MCPH1: variants seen among roughly 807,000 people sequenced by gnomAD.
MCPH1 encodes microcephalin 1.
A neutral mutation model predicts 84.5 loss-of-function variants in MCPH1; 104 were observed. That is an observed-to-expected ratio of 1.23 (90% CI 1.05 to 1.45). MCPH1 has a LOEUF of 1.45. Among genes scored for constraint, MCPH1 ranks in the 40% most tolerant of loss-of-function variants. MCPH1 has a pLI of 0.00. For synonymous variants in MCPH1, 514 were observed against 366.8 expected, an observed-to-expected ratio of 1.40 and a Z score of -4.58; for missense variants, 1,498 against 1,005.7, an observed-to-expected ratio of 1.49 and a Z score of -6.62.
chr8:6,413,959 T>A (rs189445499), intron 2 of MCPH1, among the ~76,000 whole-genome samples: 451 of 152,272 alleles, frequency 3.0e-3, no homozygotes, highest in African/African-American at 0.01. Context: ...TTTTCCATGT[T>A]GGCCAGGCTA....
chr8:6,608,257 AG>A (rs1563182237), intron 12 of MCPH1, among the ~76,000 whole-genome samples: 1 of 152,046 alleles, frequency 6.6e-6, no homozygotes, highest in East Asian at 1.9e-4. Flanking sequence ...GGCTGGTGGC[AG>A]GGGGGCTGAG....
intron 8 of MCPH1, among the ~76,000 whole-genome samples, chr8:6,448,112 G>T (rs897198097): frequency 6.6e-6 from 1 of 152,130 alleles, no homozygotes; most frequent in African/African-American, 2.4e-5. Context: ...CATAGAGGAA[G>T]ACAAATAGTA....
chr8:6,470,346 C>A (rs550255099), intron 9 of MCPH1, among the ~76,000 whole-genome samples: 11 of 152,150 alleles, frequency 7.2e-5, no homozygotes, highest in African/African-American at 2.7e-4. Context: ...TGCAGTGGCG[C>A]GATCTCCGCT....
intron 1 of MCPH1, 127 bp downstream of exon 1, chr8:6,406,816 C>T: frequency 3.9e-6 from 4 of 1,018,318 alleles, no homozygotes; most frequent in Non-Finnish European, 6.0e-6. Context: ...CTGTCTCCCC[C>T]AGACCCCCTG....
At chr8:6,503,460 G>A (rs530345115) in intron 12 of MCPH1, among the ~76,000 whole-genome samples, 24 of 152,266 alleles carry the variant, frequency 1.6e-4, no homozygotes, top group African/African-American at 4.3e-4. Flanking sequence ...GTTCCATTAC[G>A]GCAAATGCTT....
intron 12 of MCPH1, among the ~76,000 whole-genome samples, chr8:6,571,645 A>G (rs1298920909): frequency 6.6e-6 from 1 of 152,186 alleles, no homozygotes; most frequent in Non-Finnish European, 1.5e-5. Flanking sequence ...TGTGCTATTT[A>G]CATTAAGATA....
intron 12 of MCPH1, among the ~76,000 whole-genome samples, chr8:6,545,172 G>A (rs565471360): frequency 1.1e-4 from 17 of 152,072 alleles, no homozygotes; most frequent in South Asian, 6.2e-4. Context: ...AATGTCTTCC[G>A]GGTGGGAGGG....
intron 3 of MCPH1, among the ~76,000 whole-genome samples, chr8:6,416,637 C>T (rs890536755): frequency 6.6e-6 from 1 of 152,064 alleles, no homozygotes; most frequent in Non-Finnish European, 1.5e-5. Flanking sequence ...GTTGAAGCAA[C>T]CTTGCAGTCC....
chr8:6,481,404 A>G (rs368743423), intron 11 of MCPH1, among the ~76,000 whole-genome samples: 9 of 152,222 alleles, frequency 5.9e-5, no homozygotes, highest in East Asian at 1.9e-4. Flanking sequence ...TTAAAAATAC[A>G]TAATTATTTT....
At chr8:6,471,498 G>A (rs1359540904) in intron 9 of MCPH1, among the ~76,000 whole-genome samples, 5 of 152,122 alleles carry the variant, frequency 3.3e-5, no homozygotes, top group African/African-American at 4.8e-5. Flanking sequence ...AAGCACAGTC[G>A]ACTGAATTGT....
intron 9 of MCPH1, chr8:6,477,372 A>T (rs1348757965): frequency 1.7e-5 from 9 of 535,192 alleles, no homozygotes; most frequent in Non-Finnish European, 3.0e-5. Flanking sequence ...CTTGTACCTC[A>T]TGTCTGGATT....
rs940866423 is a variant in MCPH1 at position 6,645,483 on chromosome 8, A to C, written c.*2434A>C. ...TCTCACCACTGTTATTCAACGTTGC[A>C]TTAAAGTTTCTACCCAGAGAAGGCA... is the stretch of plus-strand genomic sequence containing the variant. On this transcript the variant is annotated 3_prime_UTR_variant, in exon 14 of 14. Transcript: ENST00000344683. The C allele has an allele frequency of 1.1e-4, 16 of 152,138 alleles. No homozygotes were observed. Among genetic ancestry groups the C allele is most frequent in the African/African-American group, 3.9e-4 (16 of 41,516 alleles). The allele number at this position is 152,138 out of a possible 1,614,324, so 9.4% of individuals were successfully genotyped here. A position where few individuals can be genotyped will look rare whatever the true frequency, so the allele number is the denominator to read the frequency against.
intron 2 of MCPH1, among the ~76,000 whole-genome samples, chr8:6,411,439 G>A (rs750992694): frequency 2.0e-5 from 3 of 152,210 alleles, no homozygotes; most frequent in Non-Finnish European, 2.9e-5. Context: ...CAGCCGTAAA[G>A]TGCAAGAGTG....
chr8:6,531,062 G>C (rs1345140767), intron 12 of MCPH1, among the ~76,000 whole-genome samples: 1 of 152,158 alleles, frequency 6.6e-6, no homozygotes, highest in Non-Finnish European at 1.5e-5. Context: ...AGCATGTAAA[G>C]AAGCCAGGAT....
intron 1 of MCPH1, chr8:6,407,064 T>G: frequency 3.3e-6 from 1 of 300,048 alleles, no homozygotes; most frequent in South Asian, 2.5e-5. Flanking sequence ...GTCCCCCAAA[T>G]CCCGCCTTTC....
chr8:6,435,982 A>C, intron 4 of MCPH1, 66 bp from the exon 5 acceptor site: 1 of 1,589,340 alleles, frequency 6.3e-7, no homozygotes, highest in Non-Finnish European at 8.6e-7. Flanking sequence ...ATGTATGCGA[A>C]AGGGCTTTTT....
Position 6,473,949 on chromosome 8 carries a change from C to T in MCPH1, c.1936-3645C>T, listed in dbSNP as rs1286347124. ...CTGGGCAGCCGATGCACAACTTCTT[C>T]CTTGTAGGATGCCGTGGCTTCTTCA... On this transcript the variant is annotated intron_variant, in intron 9 of 13. Coordinates refer to ENST00000344683, the MANE Select transcript of MCPH1 (RefSeq NM_024596.5). 5.1e-6 allele frequency: 7 copies of T among 1,364,918 alleles called. No individual in the cohort carries two copies. In the African/African-American group the frequency reaches 7.2e-5, roughly 14 times the overall value. The allele number at this position is 1,364,918 out of a possible 1,614,324, so 84.6% of individuals were successfully genotyped here.
chr8:6,569,270 G>T (rs1459412729), intron 12 of MCPH1, among the ~76,000 whole-genome samples: 2 of 152,174 alleles, frequency 1.3e-5, no homozygotes, highest in African/African-American at 4.8e-5. Context: ...CTGAAGGCAG[G>T]CTCCCTATAT....
chr8:6,441,324 T>C (rs1238460352), intron 6 of MCPH1, among the ~76,000 whole-genome samples: 1 of 152,250 alleles, frequency 6.6e-6, no homozygotes, highest in Non-Finnish European at 1.5e-5. Flanking sequence ...TCTGCTACTT[T>C]ACTGCGTCCA....
Sources: allele counts gnomAD v4.1 joint callset (sites outside exome capture counted in the v4.1 genomes callset), GRCh38; gene constraint gnomAD v4.1.1; transcripts MANE v1.5; gene names NCBI Gene and HGNC (gene_info 2026-07-23, HGNC 2026-07-21).